The following PPP6R1 variants were observed in gnomAD, a reference collection of about 807,000 sequenced individuals.
The protein encoded by PPP6R1 is serine/threonine-protein phosphatase 6 regulatory subunit 1.
Under a neutral mutation model 104.6 loss-of-function variants are expected in PPP6R1, and 39 were observed. That is an observed-to-expected ratio of 0.37 (90% CI 0.29 to 0.49). PPP6R1 has a LOEUF of 0.49. Ranked by LOEUF, PPP6R1 falls within the 20% of genes least tolerant of loss-of-function variation. The probability of loss-of-function intolerance (pLI) is 0.98; values close to 1 mark genes in which losing one functional copy is unlikely to be tolerated. For synonymous variants in PPP6R1, 549 were observed against 479.0 expected (o/e 1.15, Z -1.91); for missense variants, 1,181 against 1,155.8 (o/e 1.02, Z -0.32).
In PPP6R1 at chr19:55,241,799, G is replaced by T. The variant is rs1225861054; in HGVS notation, c.846-160C>A. Among the ~76,000 whole-genome samples the T allele has an allele frequency of 6.6e-6, 1 of 152,204 alleles. No individual in the cohort carries two copies. Among genetic ancestry groups the T allele is most frequent in the Non-Finnish European group, 1.5e-5 (1 of 68,036 alleles). On this transcript the variant is annotated intron_variant, in intron 7 of 23. Coordinates refer to ENST00000412770, the MANE Select transcript of PPP6R1 (RefSeq NM_014931.4). This position sits in a 1 kb window ranked among gnomAD's most constrained non-coding sequence, Gnocchi z 5.4. Reference sequence around the variant, plus strand: ...GAGGCCCTTCAGACAACACCTGGCTGGGGTGGGGAGCCCGCCAGGCGGCAG... The same window carrying T: ...GAGGCCCTTCAGACAACACCTGGCTTGGGTGGGGAGCCCGCCAGGCGGCAG...
intron 1 of PPP6R1, among the ~76,000 whole-genome samples, chr19:55,249,593 C>T (rs1315300556): frequency 1.3e-5 from 2 of 152,056 alleles, no homozygotes; most frequent in Non-Finnish European, 2.9e-5. Context: ...ATAATCCCAG[C>T]ACTTTGGGAG....
At chr19:55,247,315 G>C in intron 1 of PPP6R1, 1 of 590,124 alleles carries the variant, frequency 1.7e-6, no homozygotes, top group Non-Finnish European at 3.0e-6. Flanking sequence ...CTCCCAGTGA[G>C]CACCAGGCTC....
chr19:55,245,646 G>A lies in PPP6R1; in HGVS notation c.260C>T (p.Ser87Leu). 1 of 1,609,720 alleles carries A rather than the reference G, an allele frequency of 6.2e-7. No individual in the cohort carries two copies. Among genetic ancestry groups the A allele is most frequent in the Admixed American group, 1.7e-5 (1 of 59,996 alleles). The change falls in exon 3 of 24, where the codon TCA becomes TTA. Residue 87 changes from serine (S) to leucine (L), a missense_variant. Physicochemically the swap from Ser to Leu is moderately radical, Grantham distance 145. Around this residue, in one of 2 missense-constraint regions of PPP6R1, gnomAD observed 139 missense variants for 200.1 expected, o/e 0.69. Transcript: ENST00000412770. This position sits in a 1 kb window ranked among gnomAD's most constrained non-coding sequence, Gnocchi z 6.4. ...GGCATCATTGATCTGGGGCACATCT[G>A]AGGTCAGAATCTCGCAGGCCACACT... ...YPSVACEILT[S>L]DVPQINDALG...
chr19:55,253,569 C>T (rs1453242140), intron 1 of PPP6R1, among the ~76,000 whole-genome samples: 1 of 152,160 alleles, frequency 6.6e-6, no homozygotes, highest in Non-Finnish European at 1.5e-5. Context: ...CAGGCAGCGC[C>T]CTGAACTCTC....
At chr19:55,236,452 A>C in intron 17 of PPP6R1, 191 bp downstream of exon 17, 1 of 633,344 alleles carries the variant, frequency 1.6e-6, no homozygotes, top group East Asian at 2.9e-5. Flanking sequence ...GGATTACATG[A>C]GCCCACCATG....
At position 55,235,668 on chromosome 19, in the gene PPP6R1, G is replaced by A. The variant is rs151224793; in HGVS notation, c.1988+975C>T. 8.9e-3 allele frequency among the ~76,000 whole-genome samples: 1,356 copies of A among 151,728 alleles called. 8 individuals are homozygous for A. Among genetic ancestry groups the A allele is most frequent in the Non-Finnish European group, 0.015 (1,044 of 67,880 alleles). ...CAAGTCGCTGGGACCACAGGTGCCC[G>A]CCACCACGCCCGGCAAATTTTTTGT... is the stretch of plus-strand genomic sequence containing the variant. On this transcript the variant is annotated intron_variant, in intron 17 of 23. Transcript: ENST00000412770.
intron 1 of PPP6R1, among the ~76,000 whole-genome samples, chr19:55,253,964 G>A (rs2087573354): frequency 6.6e-6 from 1 of 152,214 alleles, no homozygotes; most frequent in Non-Finnish European, 1.5e-5. Context: ...TAAAGCAGGT[G>A]GCCGTGACAC....
chr19:55,251,079 C>T (rs2087549934), intron 1 of PPP6R1, among the ~76,000 whole-genome samples: 1 of 152,188 alleles, frequency 6.6e-6, no homozygotes, highest in African/African-American at 2.4e-5. Flanking sequence ...TAAGCATTCA[C>T]CTCACAGAAG....
Position 55,246,974 on chromosome 19 carries a change from G to C in PPP6R1, c.130C>G (p.Leu44Val), listed in dbSNP as rs761411030. The change falls in exon 2 of 24, where the codon CTG becomes GTG. Residue 44 changes from leucine (L) to valine (V), a missense_variant. Leu to Val is a conservative substitution (Grantham distance 32). This residue lies in a region of PPP6R1 where 139 missense variants were observed against 200.1 expected (regional missense o/e 0.69). Transcript: ENST00000412770. The stretch of plus-strand genomic sequence containing the variant: ...GGTGGCTGCAGCAGGAAGTCCAGCA[G>C]CTTGCGGTTGACGACCTTGCACTCC... Reference protein sequence around the residue: ...LQECKVVNRKLLDFLLQPPHL... With the variant: ...LQECKVVNRKVLDFLLQPPHL... The C allele has an allele frequency of 1.2e-5, 19 of 1,613,800 alleles. No individual in the cohort carries two copies. Among genetic ancestry groups the C allele is most frequent in the Non-Finnish European group, 5.1e-6 (6 of 1,179,890 alleles).
intron 15 of PPP6R1, chr19:55,239,184 G>A (rs936227923): frequency 2.1e-5 from 12 of 571,412 alleles, no homozygotes; most frequent in African/African-American, 3.8e-5. Flanking sequence ...CCTGCCTCTC[G>A]GAGAGAAGAG....
At chr19:55,228,763 C>G, downstream of PPP6R1, 9 of 1,611,998 alleles carry the variant, frequency 5.6e-6, no homozygotes, top group Non-Finnish European at 7.6e-6. Context: ...AGCCCCAGAG[C>G]GACCTAATCT....
chr19:55,230,763 C>CCCGGG lies in PPP6R1; in HGVS notation c.2570+10_2570+11insCCCGG. ...ACCCCCACCCCCCCGCCCTGCTGCCCTGGTGCTCACCTCTGGCTTTGGGGA... is the reference window on the plus strand; with the variant it reads ...ACCCCCACCCCCCCGCCCTGCTGCCCCCGGGTGGTGCTCACCTCTGGCTTTGGGGA... On this transcript the variant is annotated intron_variant, in intron 22 of 23. Transcript: ENST00000412770. 1 of 1,534,270 alleles carries CCCGGG rather than the reference C, an allele frequency of 6.5e-7. No homozygotes were observed. The highest frequency in any genetic ancestry group is 8.8e-7 in the Non-Finnish European group (1 of 1,142,156).
At chr19:55,242,991 G>A (rs373001484) in intron 5 of PPP6R1, among the ~76,000 whole-genome samples, 4 of 152,136 alleles carry the variant, frequency 2.6e-5, no homozygotes, top group Admixed American at 6.5e-5. Context: ...GGTGGTTGCC[G>A]GGGGCTAAGA....
chr19:55,243,780 G>C (rs2087481697), intron 5 of PPP6R1, among the ~76,000 whole-genome samples: 1 of 152,140 alleles, frequency 6.6e-6, no homozygotes, highest in African/African-American at 2.4e-5. Flanking sequence ...AGACTCTTGA[G>C]TAGCTAGGAT....
chr19:55,257,221 T>C (rs2087600024), intron 1 of PPP6R1, among the ~76,000 whole-genome samples: 1 of 152,226 alleles, frequency 6.6e-6, no homozygotes, highest in Admixed American at 6.5e-5. Context: ...CCTCATCCTG[T>C]GTTATCCAGG....
chr19:55,252,491 C>G (rs961694214), intron 1 of PPP6R1, among the ~76,000 whole-genome samples: 1 of 151,868 alleles, frequency 6.6e-6, no homozygotes, highest in African/African-American at 2.4e-5. Context: ...CTCCGCCTCC[C>G]GGTTTTAAGC....
Position 55,239,690 on chromosome 19 carries a change from A to G in PPP6R1, c.1564-7T>C, listed in dbSNP as rs1441677203. 4.4e-6 allele frequency: 7 copies of G among 1,608,314 alleles called. No homozygotes were observed. Among genetic ancestry groups the G allele is most frequent in the Non-Finnish European group, 5.1e-6 (6 of 1,176,982 alleles). ...GTAGGTGGTGGGTGTTCACCTGGGGAGAGGAGGGGGCGTCAGGGCCTGCTG... is the reference window on the plus strand; with the variant it reads ...GTAGGTGGTGGGTGTTCACCTGGGGGGAGGAGGGGGCGTCAGGGCCTGCTG... On this transcript the variant is annotated splice_region_variant and splice_polypyrimidine_tract_variant and intron_variant, in intron 13 of 23. Transcript: ENST00000412770.
At chr19:55,255,193 T>C (rs1198567859) in intron 1 of PPP6R1, among the ~76,000 whole-genome samples, 2 of 151,880 alleles carry the variant, frequency 1.3e-5, no homozygotes, top group Non-Finnish European at 2.9e-5. Flanking sequence ...CCCCAGAGGA[T>C]GGAATAACTA....
At chr19:55,243,665 C>CAAAAAAAA (rs756399928) in intron 5 of PPP6R1, among the ~76,000 whole-genome samples, 1 of 151,000 alleles carries the variant, frequency 6.6e-6, no homozygotes, top group Non-Finnish European at 1.5e-5. Context: ...GACACTGTCT[C>CAAAAAAAA]AAAAAAAAGA....
Sources: gnomAD v4.1 joint callset for allele counts (sites outside exome capture counted in the v4.1 genomes callset) on GRCh38, gnomAD v4.1.1 for gene constraint, gnomAD v4.1.1 regional missense constraint, Gnocchi (gnomAD v3.1) non-coding constraint, MANE v1.5 for transcripts, NCBI Gene and HGNC (gene_info 2026-07-23, HGNC 2026-07-21) for gene names.